MINDY4: variants seen among roughly 807,000 people sequenced by gnomAD.
MINDY4 encodes probable ubiquitin carboxyl-terminal hydrolase MINDY-4.
A neutral mutation model predicts 87.0 loss-of-function variants in MINDY4; 68 were observed. That is an observed-to-expected ratio of 0.78 (90% CI 0.64 to 0.96). The LOEUF (loss-of-function observed/expected upper bound fraction) is 0.96. Among genes scored for constraint, MINDY4 ranks in the 40% least tolerant of loss-of-function variants. MINDY4 has a pLI of 0.00. For missense variants in MINDY4, 919 were observed against 928.2 expected, an observed-to-expected ratio of 0.99 and a Z score of 0.13; for synonymous variants, 379 against 363.2, an observed-to-expected ratio of 1.04 and a Z score of -0.50.
chr7:30,879,079 A>C (rs1790377364), intron 15 of MINDY4, among the ~76,000 whole-genome samples: 1 of 152,238 alleles, frequency 6.6e-6, no homozygotes, highest in Non-Finnish European at 1.5e-5. Flanking sequence ...GTGGTTTTCC[A>C]GTCCTCTGAG....
chr7:30,808,415 T>A (rs1315227448), intron 5 of MINDY4, among the ~76,000 whole-genome samples: 1 of 152,118 alleles, frequency 6.6e-6, no homozygotes, highest in Non-Finnish European at 1.5e-5. Context: ...TACTCTGATT[T>A]TGGTTTTGAT....
intron 15 of MINDY4, 105 bp from the exon 16 acceptor site, chr7:30,882,076 C>T (rs899504954): frequency 1.5e-5 from 17 of 1,116,452 alleles, no homozygotes; most frequent in Admixed American, 1.3e-4. Context: ...ACGTGATCTT[C>T]AGCAGGGCCT....
intron 13 of MINDY4, among the ~76,000 whole-genome samples, chr7:30,870,489 C>T (rs950892820): frequency 6.6e-6 from 1 of 152,182 alleles, no homozygotes; most frequent in South Asian, 2.1e-4. Context: ...GAGCCTCAAC[C>T]ACCCTTCCCA....
At chr7:30,881,558 A>G (rs892647339) in intron 15 of MINDY4, among the ~76,000 whole-genome samples, 3 of 152,134 alleles carry the variant, frequency 2.0e-5, no homozygotes, top group Admixed American at 6.5e-5. Flanking sequence ...TCCATGAGGA[A>G]TTTCATTCAC....
chr7:30,801,523 AG>A (rs1787650109), intron 5 of MINDY4, among the ~76,000 whole-genome samples: 1 of 152,022 alleles, frequency 6.6e-6, no homozygotes. Context: ...CCCACTTCTC[AG>A]CCTGTTGATC....
intron 5 of MINDY4, among the ~76,000 whole-genome samples, chr7:30,817,035 T>C (rs1484951218): frequency 1.3e-5 from 2 of 152,198 alleles, no homozygotes; most frequent in African/African-American, 4.8e-5. Context: ...AGACCTCATG[T>C]TCTTTATGGC....
chr7:30,864,286 T>C (rs1049770364), intron 13 of MINDY4, among the ~76,000 whole-genome samples: 9 of 152,190 alleles, frequency 5.9e-5, no homozygotes, highest in Non-Finnish European at 1.2e-4. Context: ...CTCAAGAGAT[T>C]AAAAGCAATG....
intron 5 of MINDY4, among the ~76,000 whole-genome samples, chr7:30,824,442 A>G (rs1447743083): frequency 6.6e-6 from 1 of 152,180 alleles, no homozygotes; most frequent in Non-Finnish European, 1.5e-5. Flanking sequence ...TGAGTTTTAG[A>G]GGGGTCAGAT....
chr7:30,803,333 A>G (rs775177043), intron 5 of MINDY4: 1 of 152,196 alleles, frequency 6.6e-6, no homozygotes, highest in African/African-American at 2.4e-5. Flanking sequence ...ATTGAGATGG[A>G]TTCTTGACTT....
intron 15 of MINDY4, among the ~76,000 whole-genome samples, chr7:30,876,681 T>A (rs1012832028): frequency 6.6e-6 from 1 of 152,148 alleles, no homozygotes; most frequent in African/African-American, 2.4e-5. Context: ...TTGCTTTCCA[T>A]GGCTTCAGAG....
intron 10 of MINDY4, among the ~76,000 whole-genome samples, chr7:30,850,809 C>A (rs531701135): frequency 6.6e-6 from 1 of 152,306 alleles, no homozygotes; most frequent in South Asian, 2.1e-4. Context: ...GTCTGCCCTG[C>A]CTTCCTCCTG....
At chr7:30,849,352 C>T in intron 9 of MINDY4, among the ~76,000 whole-genome samples, 1 of 152,164 alleles carries the variant, frequency 6.6e-6, no homozygotes, top group East Asian at 1.9e-4. Flanking sequence ...AGGGAGAGAC[C>T]AGCTAGCTTC....
intron 15 of MINDY4, among the ~76,000 whole-genome samples, chr7:30,879,434 G>C (rs1246734323): frequency 6.6e-6 from 1 of 152,224 alleles, no homozygotes; most frequent in East Asian, 1.9e-4. Context: ...GAGCCATCCA[G>C]TCCGTGGTAT....
At chr7:30,788,370 T>C (rs1228518383) in intron 4 of MINDY4, among the ~76,000 whole-genome samples, 12 of 152,256 alleles carry the variant, frequency 7.9e-5, no homozygotes, top group Non-Finnish European at 4.4e-5. Flanking sequence ...TTTTTACCCC[T>C]GAATGATTTA....
intron 6 of MINDY4, among the ~76,000 whole-genome samples, chr7:30,829,780 C>T (rs1394009947): frequency 6.6e-6 from 1 of 152,194 alleles, no homozygotes; most frequent in Non-Finnish European, 1.5e-5. Flanking sequence ...CCTTTTTGTG[C>T]ACCACTGCAC....
intron 5 of MINDY4, among the ~76,000 whole-genome samples, chr7:30,822,461 G>C (rs1344271660): frequency 6.6e-6 from 1 of 152,032 alleles, no homozygotes; most frequent in Non-Finnish European, 1.5e-5. Flanking sequence ...GTGAACTACT[G>C]TACCTGGCCC....
In MINDY4 at chr7:30,779,150, T is replaced by A. The variant is rs549043686; in HGVS notation, c.183+599T>A. ...TATAGGCTTTCATGGCACCCTCTAG[T>A]TTTCCTGTTTTTGTGTTTATCACAT... On this transcript the variant is annotated intron_variant, in intron 2 of 17. Coordinates refer to ENST00000265299, the MANE Select transcript of MINDY4 (RefSeq NM_032222.3). 5.9e-5 allele frequency among the ~76,000 whole-genome samples: 9 copies of A among 152,302 alleles called. No individual in the cohort carries two copies. The South Asian group carries it at 1.9e-3, about 32-fold the overall frequency.
At chr7:30,863,936 C>CA (rs1409727285) in intron 13 of MINDY4, among the ~76,000 whole-genome samples, 1 of 152,214 alleles carries the variant, frequency 6.6e-6, no homozygotes, top group Non-Finnish European at 1.5e-5. Flanking sequence ...TCACAAGCCC[C>CA]AAGGATGCTC....
intron 17 of MINDY4, among the ~76,000 whole-genome samples, chr7:30,891,284 A>G (rs1298609934): frequency 6.6e-6 from 1 of 152,320 alleles, no homozygotes; most frequent in East Asian, 1.9e-4. Flanking sequence ...CATGTGTTAA[A>G]ATCAAGTGCT....
Sources: allele counts gnomAD v4.1 joint callset (sites outside exome capture counted in the v4.1 genomes callset), GRCh38; gene constraint gnomAD v4.1.1; transcripts MANE v1.5; gene names NCBI Gene and HGNC (gene_info 2026-07-23, HGNC 2026-07-21).